The following ATRNL1 variants were observed in gnomAD, a reference collection of about 807,000 sequenced individuals.
ATRNL1 encodes attractin like 1, also known as attractin-like protein 1.
ATRNL1 carries 95 observed loss-of-function variants against 182.7 expected under a neutral mutation model. That is an observed-to-expected ratio of 0.52 (90% CI 0.44 to 0.62). ATRNL1 has a LOEUF of 0.62. Among genes scored for constraint, ATRNL1 ranks in the 20% least tolerant of loss-of-function variants. The pLI, the probability that ATRNL1 is intolerant of heterozygous loss-of-function variation, is 0.00. For synonymous variants in ATRNL1, 576 were observed against 568.3 expected (o/e 1.01, Z -0.19); for missense variants, 1,471 against 1,679.5 (o/e 0.88, Z 2.17).
At chr10:115,649,721 A>G (rs1555033787) in intron 26 of ATRNL1, among the ~76,000 whole-genome samples, 4 of 152,176 alleles carry the variant, frequency 2.6e-5, no homozygotes, top group Non-Finnish European at 1.5e-5. Flanking sequence ...AATAAAGTAC[A>G]CTTTTAAGGG....
intron 28 of ATRNL1, among the ~76,000 whole-genome samples, chr10:115,921,330 T>G (rs1555118708): frequency 5.9e-5 from 1 of 16,926 alleles, no homozygotes; most frequent in South Asian, 5.7e-3. Flanking sequence ...TAAGCAGTGT[T>G]TTTTTGTCTC....
chr10:115,179,533 A>G (rs1327265303), intron 8 of ATRNL1, among the ~76,000 whole-genome samples: 1 of 152,104 alleles, frequency 6.6e-6, no homozygotes. Flanking sequence ...ACCTTTATAA[A>G]TAGCCTTTAT....
At chr10:115,540,471 T>G (rs1852289143) in intron 25 of ATRNL1, among the ~76,000 whole-genome samples, 1 of 151,822 alleles carries the variant, frequency 6.6e-6, no homozygotes, top group African/African-American at 2.4e-5. Flanking sequence ...GATTAAAGGG[T>G]ACAGTGGAGG....
intron 20 of ATRNL1, among the ~76,000 whole-genome samples, chr10:115,403,628 T>A (rs1554957537): frequency 6.6e-6 from 1 of 152,118 alleles, no homozygotes; most frequent in Non-Finnish European, 1.5e-5. Context: ...CTAATTTTTG[T>A]ATTTTTATGA....
chr10:115,405,857 A>G (rs1844801732), intron 20 of ATRNL1, among the ~76,000 whole-genome samples: 1 of 93,890 alleles, frequency 1.1e-5, no homozygotes, highest in Non-Finnish European at 2.0e-5. Flanking sequence ...CCCACCCCAC[A>G]ACAGGCCCCA....
At chr10:115,345,674 A>G (rs531670699) in intron 19 of ATRNL1, among the ~76,000 whole-genome samples, 4 of 152,290 alleles carry the variant, frequency 2.6e-5, no homozygotes, top group Non-Finnish European at 5.9e-5. Flanking sequence ...CTATTCTGCT[A>G]TCTTGCTCTG....
intron 1 of ATRNL1, among the ~76,000 whole-genome samples, chr10:115,107,326 A>T (rs534666382): frequency 6.6e-6 from 1 of 152,234 alleles, no homozygotes; most frequent in Non-Finnish European, 1.5e-5. Context: ...TTCCCGTTCC[A>T]AAAGAAAAAA....
chr10:115,349,493 T>A (rs1454959035), intron 19 of ATRNL1, among the ~76,000 whole-genome samples: 2 of 152,196 alleles, frequency 1.3e-5, no homozygotes, highest in Non-Finnish European at 2.9e-5. Flanking sequence ...AATTTCTGGA[T>A]CATACGTAGT....
intron 26 of ATRNL1, among the ~76,000 whole-genome samples, chr10:115,637,656 G>A (rs551166931): frequency 1.4e-4 from 19 of 134,234 alleles, no homozygotes; most frequent in African/African-American, 1.9e-4. Context: ...ATGGAATCTC[G>A]CTCTGTCACC....
At position 115,554,322 on chromosome 10, in the gene ATRNL1, G is replaced by A. The variant is rs928012774; in HGVS notation, c.3795+4786G>A. On this transcript the variant is annotated intron_variant, in intron 26 of 28. Coordinates refer to ENST00000355044, the MANE Select transcript of ATRNL1 (RefSeq NM_207303.4). ...TGAGACTAGAAATTACAGGTCTTCC[G>A]CATGCCTATTGCATTATCATACTTT... 4.8e-4 allele frequency among the ~76,000 whole-genome samples: 72 copies of A among 151,254 alleles called. 1 individual carries two copies. Among genetic ancestry groups the A allele is most frequent in the Non-Finnish European group, 1.3e-4 (9 of 67,482 alleles).
chr10:115,855,947 G>A (rs376850798), intron 28 of ATRNL1, among the ~76,000 whole-genome samples: 4 of 152,164 alleles, frequency 2.6e-5, no homozygotes, highest in African/African-American at 7.2e-5. Flanking sequence ...TCCTTGGATA[G>A]TAATTTTTTT....
intron 3 of ATRNL1, among the ~76,000 whole-genome samples, chr10:115,122,531 A>G (rs1844788742): frequency 1.3e-5 from 2 of 152,006 alleles, no homozygotes; most frequent in Admixed American, 6.6e-5. Context: ...TTTATACAAT[A>G]TCTGTTATAT....
chr10:115,617,943 G>A (rs1410317671), intron 26 of ATRNL1, among the ~76,000 whole-genome samples: 2 of 152,114 alleles, frequency 1.3e-5, no homozygotes, highest in East Asian at 3.9e-4. Context: ...TCATAGGGTA[G>A]ATTTCCTCGT....
chr10:115,133,403 C>G (rs4485020), intron 5 of ATRNL1, among the ~76,000 whole-genome samples: 1,987 of 152,186 alleles, frequency 0.013, 40 homozygotes, highest in African/African-American at 0.046. Context: ...CAATCCTAGT[C>G]TCTGATAAAA....
chr10:115,393,463 T>G (rs782041832), intron 19 of ATRNL1, among the ~76,000 whole-genome samples: 28 of 152,310 alleles, frequency 1.8e-4, no homozygotes, highest in Admixed American at 5.2e-4. Context: ...TCACTTAATT[T>G]TATATGGCTC....
intron 13 of ATRNL1, 123 bp downstream of exon 13, chr10:115,268,567 T>C: frequency 1.6e-6 from 1 of 638,726 alleles, no homozygotes; most frequent in Non-Finnish European, 2.8e-6. Context: ...TTAGAAAGTA[T>C]ATAGGGAATC....
At chr10:115,735,868 A>G (rs1422541318) in intron 27 of ATRNL1, among the ~76,000 whole-genome samples, 3 of 152,200 alleles carry the variant, frequency 2.0e-5, no homozygotes, top group Non-Finnish European at 4.4e-5. Context: ...AACTGAAACC[A>G]TGGAAAGTGA....
intron 28 of ATRNL1, among the ~76,000 whole-genome samples, chr10:115,912,242 T>C (rs75024611): frequency 0.011 from 1,659 of 152,158 alleles, 28 homozygotes; most frequent in African/African-American, 0.038. Context: ...CAGAAATCAA[T>C]TAAGGAAATT....
chr10:115,612,876 G>C (rs1857238113), intron 26 of ATRNL1, among the ~76,000 whole-genome samples: 1 of 152,118 alleles, frequency 6.6e-6, no homozygotes, highest in Non-Finnish European at 1.5e-5. Context: ...TTTTGATCCT[G>C]ACAACTTTCA....
Sources: gnomAD v4.1 joint callset for allele counts (sites outside exome capture counted in the v4.1 genomes callset) on GRCh38, gnomAD v4.1.1 for gene constraint, MANE v1.5 for transcripts, NCBI Gene and HGNC (gene_info 2026-07-23, HGNC 2026-07-21) for gene names.